The following ZNF385D variants were observed in gnomAD, a reference collection of about 807,000 sequenced individuals.
ZNF385D encodes the protein zinc finger protein 659.
In ZNF385D, 15 loss-of-function variants were observed where a neutral mutation model predicts 35.8. The ratio of observed to expected loss-of-function variants is 0.42; its 90% CI spans 0.28 to 0.64. The LOEUF (loss-of-function observed/expected upper bound fraction) is 0.64. ZNF385D is among the 30% of genes least tolerant of loss of function. ZNF385D has a pLI of 0.23. For synonymous variants in ZNF385D, 212 were observed against 186.8 expected (o/e 1.13, Z -1.10); for missense variants, 474 against 494.6 (o/e 0.96, Z 0.39).
rs1359505745 is a variant in ZNF385D at position 22,083,581 on chromosome 3, G to A, written c.325+85236C>T. Among the ~76,000 whole-genome samples, 3 of 152,212 alleles carry A rather than the reference G, an allele frequency of 2.0e-5. No homozygotes were observed. In the East Asian group the frequency reaches 5.8e-4, roughly 29 times the overall value. On this transcript the variant is annotated intron_variant, in intron 3 of 5. Transcript: ENST00000494108. The stretch of plus-strand genomic sequence containing the variant: ...AAGCCTCCAAGAAATATGGGACTAT[G>A]TGAAAAGACCAAATCTATGTCTGAT...
upstream of ZNF385D, among the ~76,000 whole-genome samples, chr3:21,754,930 G>A (rs940646537): frequency 6.6e-6 from 1 of 152,202 alleles, no homozygotes; most frequent in East Asian, 1.9e-4. Context: ...TTTTCTATGT[G>A]CCTGAAGTCA....
intron 3 of ZNF385D, among the ~76,000 whole-genome samples, chr3:21,821,016 A>C (rs2073371797): frequency 6.6e-6 from 1 of 152,086 alleles, no homozygotes; most frequent in South Asian, 2.1e-4. Flanking sequence ...CTGCAAGAAT[A>C]CACTAAATGG....
At chr3:22,126,687 T>A (rs1343151444) in intron 3 of ZNF385D, among the ~76,000 whole-genome samples, 1 of 152,154 alleles carries the variant, frequency 6.6e-6, no homozygotes, top group African/African-American at 2.4e-5. Context: ...TGTAGATATA[T>A]ATTAGGTCCA....
chr3:21,665,100 G>A, intron 1 of ZNF385D, 72 bp from the exon 2 acceptor site: 1 of 1,483,576 alleles, frequency 6.7e-7, no homozygotes, highest in Admixed American at 2.5e-5. Context: ...TTGCTTTTGA[G>A]ACAAAAAAGG....
chr3:21,637,522 A>G (rs1311849474), intron 2 of ZNF385D, among the ~76,000 whole-genome samples: 1 of 152,110 alleles, frequency 6.6e-6, no homozygotes, highest in Non-Finnish European at 1.5e-5. Flanking sequence ...CTTACAGTAT[A>G]GTTTGAAGTC....
At chr3:22,215,874 CT>C (rs1305431725) in intron 2 of ZNF385D, among the ~76,000 whole-genome samples, 1 of 152,146 alleles carries the variant, frequency 6.6e-6, no homozygotes, top group African/African-American at 2.4e-5. Context: ...TACAATTTCT[CT>C]CTTTTGTACT....
chr3:21,978,347 G>A (rs1703768116), intron 3 of ZNF385D: 1 of 152,140 alleles, frequency 6.6e-6, no homozygotes, highest in African/African-American at 2.4e-5. Context: ...TCTAAACCTA[G>A]GATTTAAATT....
intron 1 of ZNF385D, among the ~76,000 whole-genome samples, chr3:21,717,478 A>G (rs149167677): frequency 5.5e-4 from 84 of 152,328 alleles, no homozygotes; most frequent in African/African-American, 1.9e-3. Flanking sequence ...AGTTCTGCCA[A>G]TGTAATCTTG....
At chr3:21,920,234 T>A (rs773047235) in intron 3 of ZNF385D, among the ~76,000 whole-genome samples, 11 of 152,136 alleles carry the variant, frequency 7.2e-5, no homozygotes, top group Non-Finnish European at 1.6e-4. Flanking sequence ...TCCACAGATT[T>A]TAGCTTTTTG....
chr3:22,129,596 A>T (rs1232963938), intron 3 of ZNF385D, among the ~76,000 whole-genome samples: 1 of 152,132 alleles, frequency 6.6e-6, no homozygotes, highest in African/African-American at 2.4e-5. Context: ...ATCTCTGCCC[A>T]CGGCCATAAC....
intron 2 of ZNF385D, among the ~76,000 whole-genome samples, chr3:21,634,021 C>A (rs1380723196): frequency 6.6e-6 from 1 of 151,682 alleles, no homozygotes; most frequent in Non-Finnish European, 1.5e-5. Context: ...CATAACAAGA[C>A]CCCCATCTCT....
chr3:22,256,873 T>C (rs996991668), intron 2 of ZNF385D, among the ~76,000 whole-genome samples: 1 of 151,926 alleles, frequency 6.6e-6, no homozygotes, highest in Non-Finnish European at 1.5e-5. Context: ...TTAACACAAG[T>C]AAATGTATGA....
chr3:21,889,983 T>A (rs1030434626), intron 3 of ZNF385D, among the ~76,000 whole-genome samples: 1 of 152,136 alleles, frequency 6.6e-6, no homozygotes, highest in East Asian at 1.9e-4. Flanking sequence ...ATTTTCCCCT[T>A]TTTATAAAGA....
intron 4 of ZNF385D, among the ~76,000 whole-genome samples, chr3:21,449,791 A>G (rs1219058983): frequency 1.3e-5 from 2 of 152,186 alleles, no homozygotes; most frequent in East Asian, 1.9e-4. Context: ...TCACATCCTT[A>G]CTGGCAGATT....
chr3:21,855,070 TG>T (rs2125818252), intron 3 of ZNF385D, among the ~76,000 whole-genome samples: 1 of 152,050 alleles, frequency 6.6e-6, no homozygotes, highest in Admixed American at 6.6e-5. Context: ...CTTTTCTCAG[TG>T]GCTTCTCAGA....
chr3:21,805,436 T>A (rs933081011), intron 3 of ZNF385D, among the ~76,000 whole-genome samples: 2 of 152,178 alleles, frequency 1.3e-5, no homozygotes, highest in Non-Finnish European at 2.9e-5. Context: ...CAACGATTCA[T>A]AGTCATATAA....
At chr3:21,773,989 A>G (rs2071186211) in intron 3 of ZNF385D, among the ~76,000 whole-genome samples, 1 of 152,036 alleles carries the variant, frequency 6.6e-6, no homozygotes, top group Admixed American at 6.6e-5. Flanking sequence ...TTGCAGCACT[A>G]TTCACAATAG....
At chr3:21,907,294 C>T (rs929321580) in intron 3 of ZNF385D, among the ~76,000 whole-genome samples, 3 of 152,062 alleles carry the variant, frequency 2.0e-5, no homozygotes, top group Non-Finnish European at 4.4e-5. Flanking sequence ...ACAAACATTG[C>T]CAACATTGTG....
intron 1 of ZNF385D, among the ~76,000 whole-genome samples, chr3:21,717,282 A>C (rs564524338): frequency 6.6e-6 from 1 of 152,322 alleles, no homozygotes; most frequent in African/African-American, 2.4e-5. Flanking sequence ...TCTTTAAATC[A>C]TAAAATCACA....
Sources: gnomAD v4.1 joint callset for allele counts (sites outside exome capture counted in the v4.1 genomes callset) on GRCh38, gnomAD v4.1.1 for gene constraint, MANE v1.5 for transcripts, NCBI Gene and HGNC (gene_info 2026-07-23, HGNC 2026-07-21) for gene names.